Variants in SAMD5 observed in about 807,000 individuals in gnomAD.
The protein encoded by SAMD5 is sterile alpha motif domain containing 5, also known as sterile alpha motif domain-containing protein 5.
SAMD5 carries 13 observed loss-of-function variants against 11.3 expected under a neutral mutation model. That is an observed-to-expected ratio of 1.15 (90% CI 0.75 to 1.83). SAMD5 has a LOEUF of 1.83. SAMD5 is among the 40% of genes most tolerant of loss of function. SAMD5 has a pLI of 0.00. For missense variants in SAMD5, 255 were observed against 239.1 expected (o/e 1.07, Z -0.44); for synonymous variants, 129 against 111.3 (o/e 1.16, Z -1.00).
At position 147,508,959 on chromosome 6, in the gene SAMD5, A is replaced by G. The variant is rs1788035925; in HGVS notation, c.31A>G (p.Lys11Glu). ...CACCAACATAGTTTACGAGTGGCTC[A>G]AAGCGCTGCAGCTTCCGCAGTACGC... is the stretch of plus-strand genomic sequence containing the variant. Reference protein sequence around the residue: MCTNIVYEWLKALQLPQYAES... With the variant: MCTNIVYEWLEALQLPQYAES... The change falls in exon 1 of 2, where the codon AAA becomes GAA. Residue 11 changes from lysine to glutamate, a missense_variant. Transcript: ENST00000367474. 1.9e-6 allele frequency: 3 copies of G among 1,601,346 alleles called. No homozygotes were observed. Among genetic ancestry groups the G allele is most frequent in the African/African-American group, 2.7e-5 (2 of 74,150 alleles).
At chr6:147,667,589 G>GT (rs1363708238) in intron 1 of SAMD5, among the ~76,000 whole-genome samples, 1 of 152,140 alleles carries the variant, frequency 6.6e-6, no homozygotes, top group African/African-American at 2.4e-5. Flanking sequence ...TTAAATTCCT[G>GT]TAACAACTTA....
chr6:147,890,951 C>T, the SAMD5 span, among the ~76,000 whole-genome samples: 6 of 152,054 alleles, frequency 3.9e-5, no homozygotes, highest in Middle Eastern at 6.8e-3. Flanking sequence ...ATGTTACATC[C>T]GTATTGCAGA....
chr6:147,905,635 G>A, the SAMD5 span, among the ~76,000 whole-genome samples: 12 of 152,068 alleles, frequency 7.9e-5, no homozygotes, highest in South Asian at 2.1e-4. Flanking sequence ...ATATAAAATC[G>A]TGAAATTGAA....
chr6:147,876,153 A>G, the SAMD5 span, among the ~76,000 whole-genome samples: 1 of 152,194 alleles, frequency 6.6e-6, no homozygotes, highest in Admixed American at 6.5e-5. Context: ...TGCTGTTGCC[A>G]TCTTAAAAAT....
chr6:147,545,433 A>G (rs781320071), intron 1 of SAMD5, among the ~76,000 whole-genome samples: 3 of 152,120 alleles, frequency 2.0e-5, no homozygotes, highest in Admixed American at 6.5e-5. Flanking sequence ...ACCTTTTCCA[A>G]ATTTCTCATT....
chr6:147,709,389 A>C (rs1791367236), intron 1 of SAMD5, among the ~76,000 whole-genome samples: 1 of 152,200 alleles, frequency 6.6e-6, no homozygotes, highest in Non-Finnish European at 1.5e-5. Flanking sequence ...AGGGAAGGTC[A>C]TGTAGGTGGG....
At chr6:147,511,013 G>A (rs1358511735) in intron 1 of SAMD5, among the ~76,000 whole-genome samples, 2 of 152,222 alleles carry the variant, frequency 1.3e-5, no homozygotes, top group Non-Finnish European at 2.9e-5. Flanking sequence ...TTTGTTATTA[G>A]CATCCCGGGA....
chr6:147,737,252 C>A, intron 1 of SAMD5: 2 of 1,005,316 alleles, frequency 2.0e-6, no homozygotes, highest in Non-Finnish European at 2.6e-6. Flanking sequence ...CTTCACCGTG[C>A]TTTTTCACTA....
chr6:147,551,812 T>TATATATATATATATA (rs1788775999), intron 1 of SAMD5, among the ~76,000 whole-genome samples: 2 of 99,450 alleles, frequency 2.0e-5, no homozygotes, highest in African/African-American at 7.1e-5. Flanking sequence ...TATATATATG[T>TATATATATATATATA]TATATATATA....
At chr6:147,862,432 G>T in the SAMD5 span, among the ~76,000 whole-genome samples, 2 of 152,096 alleles carry the variant, frequency 1.3e-5, no homozygotes, top group Non-Finnish European at 2.9e-5. Flanking sequence ...TTTATTTCTT[G>T]AGGGTTCTAA....
chr6:147,588,340 G>A (rs769804930), intron 1 of SAMD5, among the ~76,000 whole-genome samples: 5 of 123,436 alleles, frequency 4.1e-5, no homozygotes, highest in Non-Finnish European at 6.3e-5. Context: ...TTGAGACGGA[G>A]TCTCGCTCTG....
chr6:147,924,556 T>C, the SAMD5 span, among the ~76,000 whole-genome samples: 1,152 of 152,158 alleles, frequency 7.6e-3, 17 homozygotes, highest in African/African-American at 0.026. Flanking sequence ...AACTAAATCC[T>C]TTATTAACTT....
the SAMD5 span, among the ~76,000 whole-genome samples, chr6:147,843,277 A>G: frequency 6.6e-6 from 1 of 152,226 alleles, no homozygotes; most frequent in Non-Finnish European, 1.5e-5. Context: ...TTAGGAGTAA[A>G]TTTCACCAAA....
At chr6:147,741,122 T>C (rs145871120), downstream of SAMD5, among the ~76,000 whole-genome samples, 506 of 152,270 alleles carry the variant, frequency 3.3e-3, 5 homozygotes, top group African/African-American at 0.011. Context: ...TGGGTCAAAG[T>C]CCTGGTTTTA....
At chr6:147,638,152 T>G (rs755949681) in intron 1 of SAMD5, among the ~76,000 whole-genome samples, 2 of 152,086 alleles carry the variant, frequency 1.3e-5, no homozygotes, top group Non-Finnish European at 2.9e-5. Context: ...TTGGGAAAAA[T>G]ATAGCGTAAT....
the SAMD5 span, among the ~76,000 whole-genome samples, chr6:147,808,458 C>T: frequency 0.011 from 1,750 of 152,282 alleles, 36 homozygotes; most frequent in African/African-American, 0.041. Flanking sequence ...TCCACCTTGG[C>T]CTCCCAAAGT....
the SAMD5 span, among the ~76,000 whole-genome samples, chr6:147,881,417 G>A: frequency 6.6e-6 from 1 of 152,144 alleles, no homozygotes; most frequent in African/African-American, 2.4e-5. Flanking sequence ...TGGTACATCA[G>A]ACCCTCACAT....
rs555454606 is a variant in SAMD5 at position 147,701,586 on chromosome 6, A to G, written c.163-35731A>G. On this transcript the variant is annotated intron_variant, in intron 1 of 1. Coordinates refer to the SAMD5 transcript ENST00000566741. ...GAGGTGGAGGTTGCAGTGAGCCAAG[A>G]TTGTGCCTCACTGCAAGTGAGCCAA... Among the ~76,000 whole-genome samples the G allele has an allele frequency of 1.1e-4, 17 of 150,732 alleles. No individual in the cohort carries two copies. The South Asian group carries it at 1.9e-3, about 17-fold the overall frequency.
At chr6:147,622,818 A>C (rs1789990162) in intron 1 of SAMD5, among the ~76,000 whole-genome samples, 1 of 152,224 alleles carries the variant, frequency 6.6e-6, no homozygotes, top group Non-Finnish European at 1.5e-5. Context: ...TAATGAACTC[A>C]CAGTTCCACA....
Sources: gnomAD v4.1 joint callset for allele counts (sites outside exome capture counted in the v4.1 genomes callset) on GRCh38, gnomAD v4.1.1 for gene constraint, MANE v1.5 for transcripts, NCBI Gene and HGNC (gene_info 2026-07-23, HGNC 2026-07-21) for gene names.